Variants in FGD5 observed in about 807,000 individuals in gnomAD.
The protein encoded by FGD5 is FYVE, RhoGEF and PH domain containing 5, also known as FYVE, RhoGEF and PH domain-containing protein 5.
A neutral mutation model predicts 133.4 loss-of-function variants in FGD5; 28 were observed. The observed-to-expected ratio is 0.21, with a 90% CI of 0.16 to 0.29. The LOEUF (loss-of-function observed/expected upper bound fraction) is 0.29. FGD5 is among the 10% of genes least tolerant of loss of function. The probability of loss-of-function intolerance (pLI) is 1.00; values close to 1 mark genes in which losing one functional copy is unlikely to be tolerated. For missense variants in FGD5, 1,858 were observed against 1,895.2 expected (o/e 0.98, Z 0.36); for synonymous variants, 810 against 776.5 (o/e 1.04, Z -0.72).
chr3:14,917,986 G>A lies in FGD5; in HGVS notation c.3489+654G>A, dbSNP rs1328358338. On this transcript the variant is annotated intron_variant, in intron 12 of 19. Coordinates refer to ENST00000285046, the MANE Select transcript of FGD5 (RefSeq NM_152536.4). This position sits in a 1 kb window ranked among gnomAD's most constrained non-coding sequence, Gnocchi z 4.1. ...TTGATCCCTGTCATCTGTAGTATGG[G>A]TCAGAATTTTCCTTCCATTGTGTGG... Among the ~76,000 whole-genome samples the A allele has an allele frequency of 6.6e-6, 1 of 152,192 alleles. No individual in the cohort carries two copies. Among genetic ancestry groups the A allele is most frequent in the Non-Finnish European group, 1.5e-5 (1 of 68,036 alleles).
upstream of FGD5, among the ~76,000 whole-genome samples, chr3:14,815,645 C>T (rs2036357886): frequency 6.6e-6 from 1 of 152,168 alleles, no homozygotes; most frequent in Non-Finnish European, 1.5e-5. Flanking sequence ...GTTCTGAGCC[C>T]TGGACGCAGC....
At chr3:14,918,626 G>A in intron 12 of FGD5, 128 bp from the exon 13 acceptor site, 6 of 869,720 alleles carry the variant, frequency 6.9e-6, no homozygotes, top group Non-Finnish European at 1.1e-5. Flanking sequence ...TCACAGAAAG[G>A]TATGCCCTGA....
rs1325432111 is a variant in FGD5 at position 14,923,841 on chromosome 3, C to CT, written c.3938-164dup. ...GCGTCCCCTCCCCAGCCCCCATAGCCTTTGTCTGTTCCTGCAGGAGGGAGG... is the reference window on the plus strand; with the variant it reads ...GCGTCCCCTCCCCAGCCCCCATAGCCTTTTGTCTGTTCCTGCAGGAGGGAGG... On this transcript the variant is annotated intron_variant, in intron 16 of 19. Transcript: ENST00000285046. 5.7e-6 allele frequency: 5 copies of CT among 879,732 alleles called. No homozygotes were observed. In the African/African-American group the frequency reaches 8.4e-5, roughly 15 times the overall value. The allele number at this position is 879,732 out of a possible 1,614,324, so 54.5% of individuals were successfully genotyped here. A position where few individuals can be genotyped will look rare whatever the true frequency, so the allele number is the denominator to read the frequency against.
chr3:14,867,155 C>G (rs2037510969), intron 2 of FGD5, among the ~76,000 whole-genome samples: 1 of 152,158 alleles, frequency 6.6e-6, no homozygotes, highest in South Asian at 2.1e-4. Context: ...GTGAAAGTCC[C>G]CTCGAACTCT....
At chr3:14,825,450 C>T (rs1008651165) in intron 1 of FGD5, among the ~76,000 whole-genome samples, 2 of 150,854 alleles carry the variant, frequency 1.3e-5, no homozygotes, top group African/African-American at 5.0e-5. Context: ...TACATATACA[C>T]TCCCATCTCT....
At position 14,923,998 on chromosome 3, in the gene FGD5, T is replaced by C. The variant is rs2038738699; in HGVS notation, c.3938-10T>C. 3.7e-6 allele frequency: 6 copies of C among 1,613,760 alleles called. No homozygotes were observed. The highest frequency in any genetic ancestry group is 5.1e-6 in the Non-Finnish European group (6 of 1,179,856). ...TCACCTCCCTTCCATGTGGCTTCTT[T>C]CAGTTACAGAGCGGCCTGTGAGCAT... On this transcript the variant is annotated splice_polypyrimidine_tract_variant and intron_variant, in intron 16 of 19. Coordinates refer to ENST00000285046, the MANE Select transcript of FGD5 (RefSeq NM_152536.4).
At position 14,864,157 on chromosome 3, in the gene FGD5, C is replaced by G; in HGVS notation, c.2555C>G (p.Pro852Arg). The G allele has an allele frequency of 1.9e-6, 3 of 1,613,950 alleles. No homozygotes were observed. The highest frequency in any genetic ancestry group is 2.5e-6 in the Non-Finnish European group (3 of 1,179,838). Reference protein sequence around the residue: ...SAYTEPYKVCPISSAAPKEDL... With the variant: ...SAYTEPYKVCRISSAAPKEDL... ...TACACAGAGCCCTACAAAGTCTGTC[C>G]CATCTCGTCGGCAGCCCCCAAAGAG... Residue 852 changes from proline to arginine, a missense_variant, in exon 2 of 20, where the codon CCC becomes CGC. Physicochemically the swap from Pro to Arg is moderately radical, Grantham distance 103 (BLOSUM62 -2). Transcript: ENST00000285046.
chr3:14,880,500 C>T lies in FGD5; in HGVS notation c.2659-72C>T, dbSNP rs532397886. The T allele has an allele frequency of 1.7e-5, 25 of 1,493,618 alleles. No individual in the cohort carries two copies. The African/African-American group carries it at 2.9e-4, about 17-fold the overall frequency. The allele number at this position is 1,493,618 out of a possible 1,614,324, so 92.5% of individuals were successfully genotyped here. A position where few individuals can be genotyped will look rare whatever the true frequency, so the allele number is the denominator to read the frequency against. On this transcript the variant is annotated intron_variant, in intron 2 of 19. Transcript: ENST00000285046. ...TCTGCAAAATGCTTGGAACTTGCCT[C>T]CAGCAGCATGGTGGCCTCCTCTAGA...
chr3:14,854,288 G>A (rs989389040), intron 1 of FGD5, among the ~76,000 whole-genome samples: 2 of 152,112 alleles, frequency 1.3e-5, no homozygotes, highest in Non-Finnish European at 2.9e-5. Context: ...TGAGTGGTGG[G>A]ACCATAGTAC....
At chr3:14,816,288 A>G (rs2036367412), upstream of FGD5, among the ~76,000 whole-genome samples, 1 of 152,172 alleles carries the variant, frequency 6.6e-6, no homozygotes, top group Non-Finnish European at 1.5e-5. Context: ...TCCCACCCCC[A>G]AAGAATAATT....
At chr3:14,847,977 C>G (rs1258312320) in intron 1 of FGD5, among the ~76,000 whole-genome samples, 1 of 152,148 alleles carries the variant, frequency 6.6e-6, no homozygotes, top group Non-Finnish European at 1.5e-5. Context: ...CCTGGGAAGG[C>G]CTGAGGTGTG....
intron 2 of FGD5, among the ~76,000 whole-genome samples, chr3:14,868,373 C>A (rs1332055679): frequency 6.6e-6 from 1 of 152,182 alleles, no homozygotes; most frequent in African/African-American, 2.4e-5. Context: ...CAGGTCTGCT[C>A]CTGCCCAGCA....
In FGD5 at chr3:14,819,810, G is replaced by A. The variant is rs370624302; in HGVS notation, c.739G>A (p.Glu247Lys). ...CACGGAGGACATGGGACAGGATGCT[G>A]AGGACACCAGTGAGGAGCCCCCTGA... The part of the protein sequence containing the change: ...RPTEDMGQDA[E>K]DTSEEPPEKE... The change falls in exon 1 of 20, where the codon GAG becomes AAG. Residue 247 changes from glutamate (E) to lysine (K), a missense_variant. By Grantham distance (56) the Glu-to-Lys change is moderately conservative. Around this residue, in one of 3 missense-constraint regions of FGD5, gnomAD observed 1,824 missense variants for 1,848.9 expected, o/e 0.99. Coordinates refer to ENST00000285046, the MANE Select transcript of FGD5 (RefSeq NM_152536.4). The surrounding 1 kb of genome is among the most constrained non-coding windows in gnomAD (Gnocchi z 4.1). 21 of 1,590,984 alleles carry A rather than the reference G, an allele frequency of 1.3e-5. No individual in the cohort carries two copies. The African/African-American group carries it at 2.6e-4, about 19-fold the overall frequency.
At chr3:14,852,257 A>G (rs998214627) in intron 1 of FGD5, among the ~76,000 whole-genome samples, 1 of 152,242 alleles carries the variant, frequency 6.6e-6, no homozygotes, top group African/African-American at 2.4e-5. Flanking sequence ...TTACTCAGCC[A>G]TGAAAAAGAA....
chr3:14,866,573 C>T (rs910739991), intron 2 of FGD5, among the ~76,000 whole-genome samples: 5 of 152,116 alleles, frequency 3.3e-5, no homozygotes, highest in African/African-American at 1.2e-4. Context: ...GACCACTCTG[C>T]TCGTAGGATT....
At chr3:14,908,418 C>G (rs1477595857) in intron 10 of FGD5, among the ~76,000 whole-genome samples, 1 of 152,056 alleles carries the variant, frequency 6.6e-6, no homozygotes, top group Non-Finnish European at 1.5e-5. Flanking sequence ...ATGGACTCCT[C>G]GTGGGTACAA....
chr3:14,850,811 A>T (rs1185827699), intron 1 of FGD5, among the ~76,000 whole-genome samples: 1 of 134,840 alleles, frequency 7.4e-6, no homozygotes, highest in Non-Finnish European at 1.6e-5. Flanking sequence ...GGTGGGAGGG[A>T]TGGTGTTGGG....
At chr3:14,855,817 T>G (rs143230920) in intron 1 of FGD5, among the ~76,000 whole-genome samples, 1 of 152,322 alleles carries the variant, frequency 6.6e-6, no homozygotes, top group Non-Finnish European at 1.5e-5. Context: ...TTTCTCCCAT[T>G]CTGTAGGTTG....
At chr3:14,860,032 C>T (rs1382509949) in intron 1 of FGD5, among the ~76,000 whole-genome samples, 1 of 152,206 alleles carries the variant, frequency 6.6e-6, no homozygotes, top group Non-Finnish European at 1.5e-5. Flanking sequence ...TAAACATTTA[C>T]AATTCTGAGT....
Sources: gnomAD v4.1 joint callset for allele counts (sites outside exome capture counted in the v4.1 genomes callset) on GRCh38, gnomAD v4.1.1 for gene constraint, gnomAD v4.1.1 regional missense constraint, Gnocchi (gnomAD v3.1) non-coding constraint, MANE v1.5 for transcripts, NCBI Gene and HGNC (gene_info 2026-07-23, HGNC 2026-07-21) for gene names.